Variants in CNTNAP2 observed in about 807,000 individuals in gnomAD.
CNTNAP2 encodes the protein contactin associated protein 2.
Under a neutral mutation model 155.2 loss-of-function variants are expected in CNTNAP2, and 98 were observed. That is an observed-to-expected ratio of 0.63 (90% CI 0.54 to 0.75). CNTNAP2 has a LOEUF of 0.75. Ranked by LOEUF, CNTNAP2 falls within the 30% of genes least tolerant of loss-of-function variation. The probability of loss-of-function intolerance (pLI) is 0.00; values close to 1 mark genes in which losing one functional copy is unlikely to be tolerated. For missense variants in CNTNAP2, 1,727 were observed against 1,688.1 expected (o/e 1.02, Z -0.40); for synonymous variants, 651 against 631.2 (o/e 1.03, Z -0.47).
intron 13 of CNTNAP2, among the ~76,000 whole-genome samples, chr7:147,691,644 A>G (rs73741880): frequency 0.038 from 5,740 of 152,262 alleles, 368 homozygotes; most frequent in African/African-American, 0.13. Flanking sequence ...AGTAAAGTGT[A>G]GTAAAATCCG....
At chr7:148,232,592 A>G (rs1413157709) in intron 20 of CNTNAP2, among the ~76,000 whole-genome samples, 6 of 152,230 alleles carry the variant, frequency 3.9e-5, no homozygotes, top group Non-Finnish European at 5.9e-5. Context: ...CAGTTATAAT[A>G]ACATATGATA....
chr7:148,005,526 G>T (rs1455989513), intron 15 of CNTNAP2, among the ~76,000 whole-genome samples: 1 of 151,990 alleles, frequency 6.6e-6, no homozygotes, highest in East Asian at 1.9e-4. Context: ...CCCTGCTGTG[G>T]GGTCTGCTCA....
chr7:146,574,555 G>T (rs1798493902), intron 1 of CNTNAP2, among the ~76,000 whole-genome samples: 2 of 152,072 alleles, frequency 1.3e-5, no homozygotes, highest in East Asian at 1.9e-4. Context: ...GCAACAATTA[G>T]CTGGGAGTTC....
chr7:147,465,358 A>G (rs370479685), intron 10 of CNTNAP2, among the ~76,000 whole-genome samples: 1 of 152,238 alleles, frequency 6.6e-6, no homozygotes, highest in Non-Finnish European at 1.5e-5. Context: ...ATTTCCCATC[A>G]TCTACAGCTC....
chr7:147,990,813 A>G (rs549531006), intron 15 of CNTNAP2, among the ~76,000 whole-genome samples: 5 of 152,308 alleles, frequency 3.3e-5, no homozygotes, highest in Admixed American at 6.5e-5. Context: ...TGGGTGTTCA[A>G]TGATTTATTG....
At chr7:147,041,329 A>T (rs1799255042) in intron 3 of CNTNAP2, among the ~76,000 whole-genome samples, 1 of 152,122 alleles carries the variant, frequency 6.6e-6, no homozygotes, top group African/African-American at 2.4e-5. Context: ...TTTACCAATA[A>T]GCGCATCAAA....
chr7:148,000,681 A>G (rs371729072), intron 15 of CNTNAP2, among the ~76,000 whole-genome samples: 13 of 152,350 alleles, frequency 8.5e-5, no homozygotes, highest in East Asian at 1.9e-4. Flanking sequence ...AACAAGAGAA[A>G]GATTCCCTGG....
At chr7:146,577,997 A>G (rs949401415) in intron 1 of CNTNAP2, among the ~76,000 whole-genome samples, 4 of 152,122 alleles carry the variant, frequency 2.6e-5, no homozygotes, top group African/African-American at 9.7e-5. Context: ...TGCAGCATAG[A>G]AGTCATCATC....
chr7:146,180,455 A>T (rs2116834955), intron 1 of CNTNAP2, among the ~76,000 whole-genome samples: 1 of 152,142 alleles, frequency 6.6e-6, no homozygotes, highest in Non-Finnish European at 1.5e-5. Flanking sequence ...ATCAAAATAG[A>T]TCTGCCTTAT....
chr7:147,721,548 A>T (rs1796567373), intron 13 of CNTNAP2, among the ~76,000 whole-genome samples: 2 of 152,084 alleles, frequency 1.3e-5, no homozygotes, highest in Admixed American at 6.6e-5. Flanking sequence ...TCCCATGGAA[A>T]CAAGACTTAT....
chr7:146,178,672 C>G (rs1000549948), intron 1 of CNTNAP2, among the ~76,000 whole-genome samples: 1 of 152,000 alleles, frequency 6.6e-6, no homozygotes, highest in South Asian at 2.1e-4. Context: ...AGGTGTCAGA[C>G]GTTTAGATGA....
At chr7:146,457,528 A>C (rs1232325468) in intron 1 of CNTNAP2, among the ~76,000 whole-genome samples, 6 of 70,596 alleles carry the variant, frequency 8.5e-5, no homozygotes, top group Non-Finnish European at 1.4e-4. Flanking sequence ...ATATATATAT[A>C]TATATATAGT....
chr7:146,351,677 C>A (rs1317756797), intron 1 of CNTNAP2, among the ~76,000 whole-genome samples: 1 of 152,110 alleles, frequency 6.6e-6, no homozygotes, highest in African/African-American at 2.4e-5. Flanking sequence ...AAACTCAGTT[C>A]CTGTTTATTG....
chr7:146,191,720 C>T (rs1402464031), intron 1 of CNTNAP2, among the ~76,000 whole-genome samples: 1 of 152,132 alleles, frequency 6.6e-6, no homozygotes, highest in Non-Finnish European at 1.5e-5. Flanking sequence ...AGCGATATTT[C>T]TCCTATTCAC....
chr7:147,956,750 A>G (rs1801022288), intron 14 of CNTNAP2, among the ~76,000 whole-genome samples: 2 of 152,196 alleles, frequency 1.3e-5, no homozygotes, highest in Non-Finnish European at 2.9e-5. Flanking sequence ...GGGGACAGGA[A>G]GAAGATTTAA....
At chr7:146,446,598 C>T (rs891366391) in intron 1 of CNTNAP2, among the ~76,000 whole-genome samples, 14 of 152,000 alleles carry the variant, frequency 9.2e-5, no homozygotes, top group African/African-American at 3.1e-4. Context: ...AAAAACAAAA[C>T]AAAACATGTG....
intron 1 of CNTNAP2, among the ~76,000 whole-genome samples, chr7:146,550,603 C>T (rs2129142682): frequency 6.6e-6 from 1 of 151,646 alleles, no homozygotes; most frequent in South Asian, 2.1e-4. Flanking sequence ...CAATTATTTC[C>T]CCCTGTGTAT....
At chr7:147,703,186 G>A (rs1362756320) in intron 13 of CNTNAP2, among the ~76,000 whole-genome samples, 1 of 151,962 alleles carries the variant, frequency 6.6e-6, no homozygotes, top group East Asian at 1.9e-4. Context: ...ATCGAGAGAA[G>A]ACGATTTGCT....
chr7:146,999,357 GATTAACAAATA>G (rs955166129), intron 3 of CNTNAP2, among the ~76,000 whole-genome samples: 1 of 150,826 alleles, frequency 6.6e-6, no homozygotes, highest in African/African-American at 2.4e-5. Flanking sequence ...ATTGCATATC[GATTAACAAATA>G]ATTTTAGTTA....
Sources: gnomAD v4.1 joint callset for allele counts (sites outside exome capture counted in the v4.1 genomes callset) on GRCh38, gnomAD v4.1.1 for gene constraint, MANE v1.5 for transcripts, NCBI Gene and HGNC (gene_info 2026-07-23, HGNC 2026-07-21) for gene names.